RBM46: variants seen among roughly 807,000 people sequenced by gnomAD.
The protein encoded by RBM46 is RNA binding motif protein 46.
RBM46 carries 12 observed loss-of-function variants against 43.3 expected under a neutral mutation model. The observed-to-expected ratio is 0.28, with a 90% CI of 0.18 to 0.45. RBM46 has a LOEUF of 0.45. Ranked by LOEUF, RBM46 falls within the 20% of genes least tolerant of loss-of-function variation. The pLI, the probability that RBM46 is intolerant of heterozygous loss-of-function variation, is 1.00. For synonymous variants in RBM46, 205 were observed against 207.6 expected (o/e 0.99, Z 0.11); for missense variants, 412 against 639.1 (o/e 0.64, Z 3.83).
chr4:154,821,850 C>T (rs1315764497), intron 4 of RBM46, among the ~76,000 whole-genome samples: 1 of 151,764 alleles, frequency 6.6e-6, no homozygotes, highest in Non-Finnish European at 1.5e-5. Context: ...TTGGGAAAAA[C>T]TGTATACTAA....
At chr4:154,785,525 G>C (rs1449720191) in intron 1 of RBM46, among the ~76,000 whole-genome samples, 1 of 151,730 alleles carries the variant, frequency 6.6e-6, no homozygotes, top group African/African-American at 2.4e-5. Context: ...TATTAAGATT[G>C]GTGCAAAAGT....
chr4:154,812,146 G>A (rs1210502889), intron 4 of RBM46, among the ~76,000 whole-genome samples: 1 of 151,722 alleles, frequency 6.6e-6, no homozygotes, highest in African/African-American at 2.4e-5. Context: ...ATGAAAAACT[G>A]GTTTTTGTCT....
chr4:154,788,338 T>G (rs1439694269), intron 1 of RBM46, among the ~76,000 whole-genome samples: 1 of 152,212 alleles, frequency 6.6e-6, no homozygotes, highest in African/African-American at 2.4e-5. Flanking sequence ...TTTAAGTCTT[T>G]AATCCATCTC....
In RBM46 at chr4:154,800,060, C is replaced by T. The variant is rs1423616233; in HGVS notation, c.1402+496C>T. On this transcript the variant is annotated intron_variant, in intron 4 of 4. Coordinates refer to ENST00000281722, the MANE Select transcript of RBM46 (RefSeq NM_144979.5). ...TGCTGGGATTACAGGCGTGAGCCACCGCACCTGGCCTACATTTAGCTTTTT... is the reference window on the plus strand; with the variant it reads ...TGCTGGGATTACAGGCGTGAGCCACTGCACCTGGCCTACATTTAGCTTTTT... 7.2e-5 allele frequency among the ~76,000 whole-genome samples: 11 copies of T among 152,224 alleles called. No individual in the cohort carries two copies. In the South Asian group the frequency reaches 1.2e-3, roughly 17 times the overall value.
At chr4:154,827,139 A>G (rs1283737491) in intron 4 of RBM46, 1 of 958,426 alleles carries the variant, frequency 1.0e-6, no homozygotes, top group African/African-American at 1.7e-5. Context: ...GATGCATAAG[A>G]TGAATGTTTA....
chr4:154,802,868 C>T (rs1158738453), intron 4 of RBM46, among the ~76,000 whole-genome samples: 2 of 151,928 alleles, frequency 1.3e-5, no homozygotes, highest in African/African-American at 2.4e-5. Context: ...CAATCTTAAC[C>T]TTGATGATCT....
intron 1 of RBM46, among the ~76,000 whole-genome samples, chr4:154,795,569 G>A (rs528607717): frequency 2.6e-5 from 4 of 151,942 alleles, no homozygotes; most frequent in African/African-American, 4.8e-5. Context: ...TTGCAGTCAC[G>A]GCTCACTGCA....
chr4:154,820,243 G>GT, intron 4 of RBM46: 1 of 493,124 alleles, frequency 2.0e-6, no homozygotes, highest in Non-Finnish European at 3.4e-6. Flanking sequence ...CTCTAAATTT[G>GT]TTTTTTTATT....
At chr4:154,812,017 CTTTT>C (rs76513488) in intron 4 of RBM46, among the ~76,000 whole-genome samples, 2 of 133,156 alleles carry the variant, frequency 1.5e-5, no homozygotes, top group Admixed American at 7.6e-5. Flanking sequence ...CACTTCTTTA[CTTTT>C]TTTTTTTTTT....
chr4:154,789,528 T>C (rs542664698), intron 1 of RBM46, among the ~76,000 whole-genome samples: 5 of 152,312 alleles, frequency 3.3e-5, no homozygotes, highest in African/African-American at 1.2e-4. Flanking sequence ...TGAAGCCCAC[T>C]TGATCATGGT....
At chr4:154,814,551 C>T (rs1038259484) in intron 4 of RBM46, among the ~76,000 whole-genome samples, 7 of 152,030 alleles carry the variant, frequency 4.6e-5, no homozygotes, top group African/African-American at 1.7e-4. Context: ...ATTTAAATCC[C>T]AGCATTTTTC....
At position 154,799,007 on chromosome 4, in the gene RBM46, A is replaced by G; in HGVS notation, c.845A>G (p.Glu282Gly). 1 of 1,614,154 alleles carries G rather than the reference A, an allele frequency of 6.2e-7. No homozygotes were observed. Among genetic ancestry groups the G allele is most frequent in the African/African-American group, 1.3e-5 (1 of 75,054 alleles). ...GCTTTTGTTCACTTTTTCAACCGAG[A>G]AGATGCAGTGGCTGCCATGTCTGTT... ...DYAFVHFFNR[E>G]DAVAAMSVMN... Residue 282 changes from glutamate (E) to glycine (G), a missense_variant, in exon 4 of 5, where the codon GAA becomes GGA. Glu to Gly is a moderately conservative substitution (Grantham distance 98). Around this residue, in one of 8 missense-constraint regions of RBM46, gnomAD observed 54 missense variants for 102.5 expected, o/e 0.53. Coordinates refer to ENST00000281722, the MANE Select transcript of RBM46 (RefSeq NM_144979.5).
chr4:154,814,095 A>G (rs181300771), intron 4 of RBM46, among the ~76,000 whole-genome samples: 27 of 152,080 alleles, frequency 1.8e-4, no homozygotes, highest in Admixed American at 1.6e-3. Context: ...TTAGGAGCCT[A>G]CTTAGATTTT....
chr4:154,827,004 C>T, intron 4 of RBM46: 16 of 1,258,822 alleles, frequency 1.3e-5, no homozygotes, highest in Non-Finnish European at 1.5e-5. Flanking sequence ...GTCATTGTCA[C>T]ACCCTTGGCT....
chr4:154,790,179 G>A (rs1313930913), intron 1 of RBM46: 2 of 152,074 alleles, frequency 1.3e-5, no homozygotes, highest in Non-Finnish European at 2.9e-5. Flanking sequence ...CTTCAGTTCT[G>A]CTCTGATCTT....
At chr4:154,808,578 C>A (rs1340808073) in intron 4 of RBM46, among the ~76,000 whole-genome samples, 1 of 151,088 alleles carries the variant, frequency 6.6e-6, no homozygotes, top group Non-Finnish European at 1.5e-5. Context: ...CTTTTTTTTT[C>A]CTGCTGCTGC....
At position 154,828,349 on chromosome 4, in the gene RBM46, C is replaced by G. The variant is rs974175954; in HGVS notation, c.*282C>G. 6.4e-6 allele frequency: 2 copies of G among 311,372 alleles called. No homozygotes were observed. The highest frequency in any genetic ancestry group is 1.2e-5 in the Non-Finnish European group (2 of 171,462). The allele number at this position is 311,372 out of a possible 1,614,324, so 19.3% of individuals were successfully genotyped here. ...GATTTTCTTCTACTTTCTGAGTGGG[C>G]AATAGAACCTAGTCATTTATGTTTT... On this transcript the variant is annotated 3_prime_UTR_variant, in exon 5 of 5. Coordinates refer to ENST00000281722, the MANE Select transcript of RBM46 (RefSeq NM_144979.5).
chr4:154,801,978 A>T (rs1258175115), intron 4 of RBM46, among the ~76,000 whole-genome samples: 1 of 152,236 alleles, frequency 6.6e-6, no homozygotes, highest in Admixed American at 6.5e-5. Flanking sequence ...ACCTTGTATC[A>T]ATGCTGATTT....
chr4:154,816,974 G>A (rs1735475210), intron 4 of RBM46, among the ~76,000 whole-genome samples: 1 of 151,978 alleles, frequency 6.6e-6, no homozygotes, highest in African/African-American at 2.4e-5. Flanking sequence ...TGCATTGATT[G>A]ATATTTGAAT....
Sources: gnomAD v4.1 joint callset for allele counts (sites outside exome capture counted in the v4.1 genomes callset) on GRCh38, gnomAD v4.1.1 for gene constraint, gnomAD v4.1.1 regional missense constraint, MANE v1.5 for transcripts, NCBI Gene and HGNC (gene_info 2026-07-23, HGNC 2026-07-21) for gene names.